The following ZNF491 variants were observed in gnomAD, a reference collection of about 807,000 sequenced individuals.
The protein encoded by ZNF491 is zinc finger protein 491.
In ZNF491, 22 loss-of-function variants were observed where a neutral mutation model predicts 34.7. The observed-to-expected ratio is 0.63, with a 90% CI of 0.45 to 0.90. The LOEUF is 0.90. Among genes scored for constraint, ZNF491 ranks in the 40% least tolerant of loss-of-function variants. The pLI, the probability that ZNF491 is intolerant of heterozygous loss-of-function variation, is 0.00. For missense variants in ZNF491, 559 were observed against 531.7 expected (o/e 1.05, Z -0.51); for synonymous variants, 148 against 174.3 (o/e 0.85, Z 1.19).
Position 11,806,523 on chromosome 19 carries a change from G to A in ZNF491, c.570G>A (p.Lys190=). ...THTGEKPYEC[K]ECGKSFNFSS... ...CTGGGGAGAAGCCATATGAATGTAA[G>A]GAGTGTGGGAAATCATTCAATTTTT... Residue 190 remains lysine (K), a synonymous_variant, in exon 3 of 3, where the codon AAG becomes AAA. Transcript: ENST00000323169. 1.2e-6 allele frequency: 2 copies of A among 1,614,136 alleles called. No homozygotes were observed. The highest frequency in any genetic ancestry group is 1.7e-6 in the Non-Finnish European group (2 of 1,180,038).
In ZNF491 at chr19:11,807,015, C is replaced by G. The variant is rs371102856; in HGVS notation, c.1062C>G (p.Pro354=). ...IHGRTHTGEK[P]YECKQCGKAF... is the part of the protein sequence containing the mutation. ...GAAGGACTCACACTGGTGAGAAACC[C>G]TATGAATGTAAGCAATGTGGGAAAG... is the stretch of plus-strand genomic sequence containing the variant. The change falls in exon 3 of 3, where the codon CCC becomes CCG. Residue 354 remains proline, a synonymous_variant. Transcript: ENST00000323169. 1.8e-5 allele frequency: 29 copies of G among 1,611,028 alleles called. No individual in the cohort carries two copies. The highest frequency in any genetic ancestry group is 2.3e-5 in the Non-Finnish European group (27 of 1,178,874).
At chr19:11,805,403 C>T (rs1975597917) in intron 2 of ZNF491, among the ~76,000 whole-genome samples, 1 of 138,428 alleles carries the variant, frequency 7.2e-6, no homozygotes, top group African/African-American at 2.7e-5. Context: ...GAGCAAAACT[C>T]CGTCTCAAAA....
chr19:11,805,555 G>A (rs1005399381), intron 2 of ZNF491, among the ~76,000 whole-genome samples: 1 of 150,734 alleles, frequency 6.6e-6, no homozygotes, highest in Non-Finnish European at 1.5e-5. Flanking sequence ...ATGGGATAAT[G>A]TTAAAAATGC....
chr19:11,799,599 GACA>G (rs1467426813), intron 1 of ZNF491, among the ~76,000 whole-genome samples: 1 of 150,708 alleles, frequency 6.6e-6, no homozygotes, highest in African/African-American at 2.5e-5. Flanking sequence ...TGCCAGCGTG[GACA>G]ACATGGCGAG....
At position 11,806,830 on chromosome 19, in the gene ZNF491, C is replaced by T. The variant is rs1975620791; in HGVS notation, c.877C>T (p.His293Tyr). The T allele has an allele frequency of 6.2e-7, 1 of 1,608,222 alleles. No individual in the cohort carries two copies. The highest frequency in any genetic ancestry group is 1.7e-5 in the Admixed American group (1 of 58,736). ...PSSFQRHERS[H>Y]TGEKPYKCKQ... ...TTCATTTCAAAGGCATGAAAGAAGT[C>T]ACACTGGAGAGAAACCCTACAAATG... Residue 293 changes from histidine to tyrosine, a missense_variant, in exon 3 of 3, where the codon CAC (histidine) becomes TAC (tyrosine). Coordinates refer to ENST00000323169, the MANE Select transcript of ZNF491 (RefSeq NM_152356.4).
rs146471561 is a variant in ZNF491 at position 11,801,823 on chromosome 19, T to C, written c.-133-2719T>C. Among the ~76,000 whole-genome samples the C allele has an allele frequency of 2.2e-3, 330 of 152,322 alleles. 2 individuals carry two copies. The highest frequency in any genetic ancestry group is 7.8e-3 in the African/African-American group (325 of 41,578). On this transcript the variant is annotated intron_variant, in intron 1 of 2. Transcript: ENST00000323169. ...GTCTTTTGCAGTTAGCTTAGTATCA[T>C]GAAGTTTCATGCCTGTTGTAGTATG...
Position 11,807,084 on chromosome 19 carries a change from C to G in ZNF491, c.1131C>G (p.His377Gln). 6.2e-7 allele frequency: 1 copy of G among 1,609,046 alleles called. No homozygotes were observed. Among genetic ancestry groups the G allele is most frequent in the Non-Finnish European group, 8.5e-7 (1 of 1,178,250 alleles). The part of the protein sequence containing the change: ...VSSFHRHERT[H>Q]AGEKPYECKH... ...CCTTTCATAGACATGAAAGGACTCA[C>G]GCTGGAGAAAAACCTTATGAATGTA... Residue 377 changes from histidine to glutamine, a missense_variant, in exon 3 of 3, where the codon CAC (histidine) becomes CAG (glutamine). By Grantham distance (24) the His-to-Gln change is conservative. Coordinates refer to ENST00000323169, the MANE Select transcript of ZNF491 (RefSeq NM_152356.4).
chr19:11,806,305 A>G lies in ZNF491; in HGVS notation c.352A>G (p.Ile118Val). 1.2e-6 allele frequency: 2 copies of G among 1,605,826 alleles called. No individual in the cohort carries two copies. The highest frequency in any genetic ancestry group is 1.1e-5 in the South Asian group (1 of 89,480). ...CEKSFISPAS[I>V]RRYMVTHSGD... is the part of the protein sequence containing the mutation. ...AAAATCTTTCATTTCTCCTGCAAGC[A>G]TTCGAAGATATATGGTAACGCACAG... The change falls in exon 3 of 3, where the codon ATT becomes GTT. Residue 118 changes from isoleucine (I) to valine (V), a missense_variant. Physicochemically the swap from Ile to Val is conservative, Grantham distance 29 (BLOSUM62 3). Transcript: ENST00000323169.
intron 1 of ZNF491, among the ~76,000 whole-genome samples, chr19:11,804,206 CAAAAAAA>C (rs71166629): frequency 5.8e-4 from 40 of 69,450 alleles, no homozygotes; most frequent in African/African-American, 2.3e-3. Flanking sequence ...CCATCTCAGA[CAAAAAAA>C]AAAAAAAAAA....
rs189898178 is a variant in ZNF491 at position 11,807,040 on chromosome 19, G to A, written c.1087G>A (p.Ala363Thr). 5 of 1,610,420 alleles carry A rather than the reference G, an allele frequency of 3.1e-6. No homozygotes were observed. The East Asian group carries it at 1.1e-4, about 36-fold the overall frequency. ...KPYECKQCGK[A>T]FHCVSSFHRH... ...CTATGAATGTAAGCAATGTGGGAAA[G>A]CATTTCATTGTGTCAGCTCCTTTCA... The change falls in exon 3 of 3, where the codon GCA becomes ACA. Residue 363 changes from alanine (A) to threonine (T), a missense_variant. Ala to Thr is a moderately conservative substitution (Grantham distance 58). Transcript: ENST00000323169.
rs1427117835 is a variant in ZNF491, at chr19:11,807,721, GT to G, written c.*455del. Reference sequence around the variant, plus strand: ...ACATACCAGAGAGATAATGCAGACTGTCATGGGTGGGGAATGTTCTCTGATG... The same window carrying G: ...ACATACCAGAGAGATAATGCAGACTGCATGGGTGGGGAATGTTCTCTGATG... On this transcript the variant is annotated 3_prime_UTR_variant, in exon 3 of 3. Transcript: ENST00000323169. 1 of 168,876 alleles carries G rather than the reference GT, an allele frequency of 5.9e-6. No individual in the cohort carries two copies. Among genetic ancestry groups the G allele is most frequent in the Non-Finnish European group, 1.4e-5 (1 of 69,470 alleles). The allele number at this position is 168,876 out of a possible 1,614,324, so 10.5% of individuals were successfully genotyped here.
Position 11,806,924 on chromosome 19 carries a change from A to T in ZNF491, c.971A>T (p.Glu324Val). The change falls in exon 3 of 3, where the codon GAG (glutamate) becomes GTG (valine). Residue 324 changes from glutamate to valine, a missense_variant. Coordinates refer to ENST00000323169, the MANE Select transcript of ZNF491 (RefSeq NM_152356.4). Reference sequence around the variant, plus strand: ...TATCATGAAAGGACTCACACTGGAGAGAAACCCGATGGGTGTAAGCAATGT... The same window carrying T: ...TATCATGAAAGGACTCACACTGGAGTGAAACCCGATGGGTGTAAGCAATGT... Reference protein sequence around the residue: ...FQYHERTHTGEKPDGCKQCGK... With the variant: ...FQYHERTHTGVKPDGCKQCGK... 6.2e-7 allele frequency: 1 copy of T among 1,613,250 alleles called. No homozygotes were observed. Among genetic ancestry groups the T allele is most frequent in the Non-Finnish European group, 8.5e-7 (1 of 1,179,714 alleles).
chr19:11,805,498 T>C (rs1405425017), intron 2 of ZNF491, among the ~76,000 whole-genome samples: 1 of 151,820 alleles, frequency 6.6e-6, no homozygotes, highest in East Asian at 1.9e-4. Context: ...GAATGTGTGA[T>C]CCATTCATGT....
At position 11,807,098 on chromosome 19, in the gene ZNF491, C is replaced by G. The variant is rs749330250; in HGVS notation, c.1145C>G (p.Pro382Arg). ...RHERTHAGEK[P>R]YECKHCGKAF... ...GAAAGGACTCACGCTGGAGAAAAAC[C>G]TTATGAATGTAAGCATTGTGGGAAA... The change falls in exon 3 of 3, where the codon CCT becomes CGT. Residue 382 changes from proline to arginine, a missense_variant. Coordinates refer to ENST00000323169, the MANE Select transcript of ZNF491 (RefSeq NM_152356.4). 1 of 1,610,240 alleles carries G rather than the reference C, an allele frequency of 6.2e-7. No individual in the cohort carries two copies. The highest frequency in any genetic ancestry group is 2.2e-5 in the East Asian group (1 of 44,844).
intron 1 of ZNF491, 117 bp from the exon 2 acceptor site, chr19:11,804,425 A>ATT (rs1418442552): frequency 6.9e-6 from 9 of 1,301,942 alleles, no homozygotes; most frequent in African/African-American, 1.6e-5. Context: ...CTGATGACAG[A>ATT]GGCAGGGAAT....
chr19:11,806,393 T>C lies in ZNF491; in HGVS notation c.440T>C (p.Leu147Pro), dbSNP rs1370116761. The change falls in exon 3 of 3, where the codon CTT becomes CCT. Residue 147 changes from leucine to proline, a missense_variant. Coordinates refer to ENST00000323169, the MANE Select transcript of ZNF491 (RefSeq NM_152356.4). Reference sequence around the variant, plus strand: ...GCCTTGGATTGTCTCAGTTTATACCTTACCCATGAACGAACTCACACTGGA... The same window carrying C: ...GCCTTGGATTGTCTCAGTTTATACCCTACCCATGAACGAACTCACACTGGA... ...GKALDCLSLY[L>P]THERTHTGEK... The C allele has an allele frequency of 6.2e-7, 1 of 1,613,554 alleles. No homozygotes were observed. The highest frequency in any genetic ancestry group is 2.2e-5 in the East Asian group (1 of 44,878).
intron 2 of ZNF491, among the ~76,000 whole-genome samples, 151 bp from the exon 3 acceptor site, chr19:11,805,796 A>G (rs1048626466): frequency 1.3e-5 from 2 of 151,828 alleles, no homozygotes; most frequent in Non-Finnish European, 1.5e-5. Flanking sequence ...GCAGTGTGTT[A>G]TGATCACACC....
chr19:11,801,274 G>A (rs1356249807), intron 1 of ZNF491, among the ~76,000 whole-genome samples: 1 of 152,110 alleles, frequency 6.6e-6, no homozygotes, highest in Non-Finnish European at 1.5e-5. Flanking sequence ...AAATGACATT[G>A]GGTAAAACTC....
At chr19:11,804,729 T>G in intron 2 of ZNF491, 62 bp downstream of exon 2, 1 of 894,248 alleles carries the variant, frequency 1.1e-6, no homozygotes, top group Non-Finnish European at 1.5e-6. Context: ...AGTTCATCAG[T>G]GCTATTCAGG....
Sources: allele counts gnomAD v4.1 joint callset (sites outside exome capture counted in the v4.1 genomes callset), GRCh38; gene constraint gnomAD v4.1.1; transcripts MANE v1.5; gene names NCBI Gene and HGNC (gene_info 2026-07-23, HGNC 2026-07-21).